Variants in UCHL5 observed in about 807,000 individuals in gnomAD.
The protein encoded by UCHL5 is ubiquitin C-terminal hydrolase L5.
A neutral mutation model predicts 53.8 loss-of-function variants in UCHL5; 34 were observed. The ratio of observed to expected loss-of-function variants is 0.63; its 90% CI spans 0.48 to 0.84. The LOEUF is 0.84. Ranked by LOEUF, UCHL5 falls within the 40% of genes least tolerant of loss-of-function variation. UCHL5 has a pLI of 0.00. For synonymous variants in UCHL5, 111 were observed against 126.3 expected, an observed-to-expected ratio of 0.88 and a Z score of 0.81; for missense variants, 290 against 385.6, an observed-to-expected ratio of 0.75 and a Z score of 2.08.
intron 10 of UCHL5, chr1:193,019,984 T>C: frequency 1.0e-6 from 1 of 984,548 alleles, no homozygotes; most frequent in Non-Finnish European, 1.2e-6. Flanking sequence ...TATCTAGGTA[T>C]TCTTGTTAAC....
At chr1:193,056,478 T>G (rs182981751) in intron 1 of UCHL5, among the ~76,000 whole-genome samples, 288 of 152,320 alleles carry the variant, frequency 1.9e-3, no homozygotes, top group Middle Eastern at 6.8e-3. Flanking sequence ...CTAGTCCCCA[T>G]TACTCTATCT....
chr1:193,026,599 T>C (rs1362082953), intron 7 of UCHL5, among the ~76,000 whole-genome samples: 1 of 151,864 alleles, frequency 6.6e-6, no homozygotes, highest in Non-Finnish European at 1.5e-5. Context: ...TAACACCAAA[T>C]GCTAAAAAGG....
At chr1:193,016,567 G>T (rs1654967520) in intron 10 of UCHL5, among the ~76,000 whole-genome samples, 172 bp from the exon 11 acceptor site, 1 of 151,626 alleles carries the variant, frequency 6.6e-6, no homozygotes, top group Admixed American at 6.6e-5. Context: ...ACTTTTCCTG[G>T]ACAATTACAT....
At chr1:193,027,271 C>G (rs1164565707) in intron 7 of UCHL5, among the ~76,000 whole-genome samples, 2 of 152,078 alleles carry the variant, frequency 1.3e-5, no homozygotes, top group African/African-American at 4.8e-5. Context: ...TTTCTTACAA[C>G]TGAATATATA....
At chr1:193,030,423 C>G (rs1260392952) in intron 3 of UCHL5, among the ~76,000 whole-genome samples, 2 of 152,166 alleles carry the variant, frequency 1.3e-5, no homozygotes, top group Non-Finnish European at 2.9e-5. Flanking sequence ...TGATCTTGTT[C>G]TAGAATTTGT....
intron 8 of UCHL5, 45 bp from the exon 9 acceptor site, chr1:193,023,081 G>T: frequency 7.6e-7 from 1 of 1,320,866 alleles, no homozygotes; most frequent in Non-Finnish European, 1.1e-6. Flanking sequence ...AATAATTGAG[G>T]CTTACATTCA....
intron 3 of UCHL5, among the ~76,000 whole-genome samples, chr1:193,041,216 T>C (rs79526916): frequency 0.01 from 1,525 of 152,314 alleles, 28 homozygotes; most frequent in African/African-American, 0.034. Context: ...TCTTTATAAA[T>C]TATGTGAAGG....
At chr1:193,037,038 A>G (rs1345751576) in intron 3 of UCHL5, among the ~76,000 whole-genome samples, 1 of 152,050 alleles carries the variant, frequency 6.6e-6, no homozygotes, top group Non-Finnish European at 1.5e-5. Flanking sequence ...AAAATATCAA[A>G]AAAGTAGAAA....
intron 7 of UCHL5, among the ~76,000 whole-genome samples, chr1:193,025,992 C>A (rs1229793574): frequency 6.6e-6 from 1 of 151,472 alleles, no homozygotes; most frequent in Admixed American, 6.6e-5. Context: ...TAGACCCACA[C>A]CAATATGCTC....
In UCHL5 at chr1:193,029,577, C is replaced by A; in HGVS notation, c.327G>T (p.Glu109Asp). 1 of 1,613,584 alleles carries A rather than the reference C, an allele frequency of 6.2e-7. No homozygotes were observed. The highest frequency in any genetic ancestry group is 1.1e-5 in the South Asian group (1 of 91,048). ...AAAATTCTTTAAACTCTGATAATGTCTCGCCTAAATGGACATCCTGGTGGG... is the reference window on the plus strand; with the variant it reads ...AAAATTCTTTAAACTCTGATAATGTATCGCCTAAATGGACATCCTGGTGGG... ...NCTHQDVHLG[E>D]TLSEFKEFSQ... The change falls in exon 4 of 11, where the codon GAG (glutamate) becomes GAT (aspartate). Residue 109 changes from glutamate to aspartate, a missense_variant. Physicochemically the swap from Glu to Asp is conservative, Grantham distance 45. Coordinates refer to ENST00000367454, the MANE Select transcript of UCHL5 (RefSeq NM_001199261.3).
intron 3 of UCHL5, among the ~76,000 whole-genome samples, chr1:193,037,572 T>G (rs576385860): frequency 6.6e-6 from 1 of 152,226 alleles, no homozygotes; most frequent in South Asian, 2.1e-4. Context: ...AATGCTAATT[T>G]TACTCAAACT....
In UCHL5 at chr1:193,043,151, TAAAAAAAAAA is replaced by T. The variant is rs200951342; in HGVS notation, c.246+6585_246+6594del. 1.2e-3 allele frequency among the ~76,000 whole-genome samples: 45 copies of T among 36,378 alleles called. 2 individuals are homozygous for T. The highest frequency in any genetic ancestry group is 3.2e-3 in the African/African-American group (39 of 12,066). The allele number at this position is 36,378 out of a possible 152,430, so 23.9% of individuals were successfully genotyped here. ...TGGAGCCTTGACAGCTCTTGAATATTAAAAAAAAAAAAAAAAAAAAAAAAACCACCTATTT... is the reference window on the plus strand; with the variant it reads ...TGGAGCCTTGACAGCTCTTGAATATTAAAAAAAAAAAAAAACCACCTATTT... On this transcript the variant is annotated intron_variant, in intron 3 of 10. Coordinates refer to ENST00000367454, the MANE Select transcript of UCHL5 (RefSeq NM_001199261.3).
At chr1:193,034,767 GTT>G (rs979167925) in intron 3 of UCHL5, among the ~76,000 whole-genome samples, 10 of 152,064 alleles carry the variant, frequency 6.6e-5, no homozygotes, top group Non-Finnish European at 8.8e-5. Context: ...CTTATCCCAG[GTT>G]TGGAAGAATG....
In UCHL5 at chr1:193,015,739, C is replaced by T. The variant is rs994230236; in HGVS notation, c.*612G>A. 1 of 152,004 alleles carries T rather than the reference C, an allele frequency of 6.6e-6. No homozygotes were observed. The highest frequency in any genetic ancestry group is 2.4e-5 in the African/African-American group (1 of 41,418). 9.4% of individuals were successfully genotyped at this position (152,004 alleles called of 1,614,324 possible). Reference sequence around the variant, plus strand: ...AATTCTCTAATACATAAACAAATAACCCCAAACACTTGAAGAAAATTTACT... The same window carrying T: ...AATTCTCTAATACATAAACAAATAATCCCAAACACTTGAAGAAAATTTACT... On this transcript the variant is annotated 3_prime_UTR_variant, in exon 11 of 11. Coordinates refer to ENST00000367454, the MANE Select transcript of UCHL5 (RefSeq NM_001199261.3).
intron 9 of UCHL5, among the ~76,000 whole-genome samples, chr1:193,022,434 C>A (rs1174487098): frequency 6.6e-6 from 1 of 151,914 alleles, no homozygotes. Context: ...CTGAGACGGG[C>A]AGATCACTTG....
intron 3 of UCHL5, among the ~76,000 whole-genome samples, chr1:193,030,981 C>G (rs1216760150): frequency 2.0e-5 from 3 of 152,116 alleles, no homozygotes; most frequent in Admixed American, 1.3e-4. Context: ...TCTCTTTAAG[C>G]ATTTTGTATT....
chr1:193,037,890 TAAAAAAAAA>T (rs71111446), intron 3 of UCHL5, among the ~76,000 whole-genome samples: 11 of 118,862 alleles, frequency 9.3e-5, no homozygotes, highest in African/African-American at 3.3e-4. Context: ...CTTAAAGTAT[TAAAAAAAAA>T]AAAAAAAAAA....
At chr1:193,044,625 T>A (rs947493349) in intron 3 of UCHL5, among the ~76,000 whole-genome samples, 9 of 152,148 alleles carry the variant, frequency 5.9e-5, no homozygotes, top group African/African-American at 4.8e-5. Flanking sequence ...TATATTGAGG[T>A]AATCCCATTA....
chr1:193,052,590 C>T (rs1243347143), intron 1 of UCHL5, among the ~76,000 whole-genome samples: 2 of 152,152 alleles, frequency 1.3e-5, no homozygotes, highest in East Asian at 3.8e-4. Context: ...GTTAAGAGCT[C>T]GGGCTCCAAA....
Sources: allele counts gnomAD v4.1 joint callset (sites outside exome capture counted in the v4.1 genomes callset), GRCh38; gene constraint gnomAD v4.1.1; transcripts MANE v1.5; gene names NCBI Gene and HGNC (gene_info 2026-07-23, HGNC 2026-07-21).